BLM: variants seen among roughly 807,000 people sequenced by gnomAD.
BLM encodes recQ-like DNA helicase BLM.
In BLM, 95 loss-of-function variants were observed where a neutral mutation model predicts 135.3. The ratio of observed to expected loss-of-function variants is 0.70; its 90% CI spans 0.59 to 0.83. BLM has a LOEUF of 0.83. Among genes scored for constraint, BLM ranks in the 40% least tolerant of loss-of-function variants. BLM has a pLI of 0.00. For synonymous variants in BLM, 520 were observed against 589.2 expected, an observed-to-expected ratio of 0.88 and a Z score of 1.70; for missense variants, 1,518 against 1,663.9, an observed-to-expected ratio of 0.91 and a Z score of 1.53.
At chr15:90,740,288 G>A (rs1003286925) in intron 1 of BLM, among the ~76,000 whole-genome samples, 2 of 152,020 alleles carry the variant, frequency 1.3e-5, no homozygotes, top group African/African-American at 4.8e-5. Flanking sequence ...TGTATCCATG[G>A]ATATGTCTAT....
Position 90,760,785 on chromosome 15 carries a change from C to T in BLM, c.1412C>T (p.Thr471Ile), listed in dbSNP as rs1281556342. The T allele has an allele frequency of 1.9e-6, 3 of 1,613,998 alleles. No individual in the cohort carries two copies. In the Admixed American group the frequency reaches 5.0e-5, roughly 27 times the overall value. ...GTTTCTCCTGGGGACTGTTTACTGACTACCACCCTAGGAAAGACAGGATTC... is the reference window on the plus strand; with the variant it reads ...GTTTCTCCTGGGGACTGTTTACTGATTACCACCCTAGGAAAGACAGGATTC... ...NSVSPGDCLL[T>I]TTLGKTGFSA... Residue 471 changes from threonine (T) to isoleucine (I), a missense_variant, in exon 7 of 22, where the codon ACT becomes ATT. This residue lies in a region of BLM where 724 missense variants were observed against 756.9 expected (regional missense o/e 0.96). Coordinates refer to ENST00000355112, the MANE Select transcript of BLM (RefSeq NM_000057.4).
At chr15:90,739,365 C>A (rs1895303927) in intron 1 of BLM, among the ~76,000 whole-genome samples, 1 of 152,120 alleles carries the variant, frequency 6.6e-6, no homozygotes, top group Non-Finnish European at 1.5e-5. Context: ...TGCGCCACTG[C>A]ACCCCAGCCT....
At chr15:90,797,765 A>G (rs2380165) in intron 16 of BLM, among the ~76,000 whole-genome samples, 54,983 of 152,010 alleles carry the variant, frequency 0.36, 11,373 homozygotes, top group African/African-American at 0.58. Flanking sequence ...AAAGGAAACT[A>G]GCAGGAGATG....
At chr15:90,778,566 T>C (rs1453355692) in intron 12 of BLM, among the ~76,000 whole-genome samples, 1 of 152,182 alleles carries the variant, frequency 6.6e-6, no homozygotes, top group Non-Finnish European at 1.5e-5. Flanking sequence ...CAACCACTAA[T>C]CTGCTTTCTA....
chr15:90,772,388 G>A (rs193049206), intron 12 of BLM, among the ~76,000 whole-genome samples: 2 of 152,288 alleles, frequency 1.3e-5, no homozygotes, highest in African/African-American at 4.8e-5. Flanking sequence ...CAGGCACATA[G>A]AGTTAACTAT....
In BLM at chr15:90,790,709, A is replaced by T. The variant is rs1896883323; in HGVS notation, c.2884A>T (p.Ile962Phe). 6 of 1,614,210 alleles carry T rather than the reference A, an allele frequency of 3.7e-6. No homozygotes were observed. Among genetic ancestry groups the T allele is most frequent in the Non-Finnish European group, 5.1e-6 (6 of 1,180,032 alleles). ...TGACAAACCGGACGTGCGATTTGTG[A>T]TTCATGCATCTCTCCCTAAATCTGT... ...GIDKPDVRFV[I>F]HASLPKSVEG... Residue 962 changes from isoleucine to phenylalanine, a missense_variant, in exon 15 of 22, where the codon ATT becomes TTT. Transcript: ENST00000355112.
intron 17 of BLM, among the ~76,000 whole-genome samples, chr15:90,799,966 A>G (rs1055814613): frequency 7.2e-5 from 11 of 152,306 alleles, no homozygotes; most frequent in Middle Eastern, 6.8e-3. Context: ...ACCAGATGGG[A>G]GATACAAAGT....
intron 19 of BLM, among the ~76,000 whole-genome samples, chr15:90,805,714 C>T (rs1002194242): frequency 2.0e-5 from 3 of 151,554 alleles, no homozygotes; most frequent in Admixed American, 6.6e-5. Flanking sequence ...CTTGAACCCG[C>T]GAGGCAGGGT....
intron 1 of BLM, among the ~76,000 whole-genome samples, chr15:90,743,019 A>T (rs1382171711): frequency 6.9e-6 from 1 of 144,386 alleles, no homozygotes; most frequent in East Asian, 2.0e-4. Context: ...TTTTTTTTTA[A>T]ACACAGGGTC....
At chr15:90,813,234 T>C (rs532003842) in intron 21 of BLM, among the ~76,000 whole-genome samples, 1 of 152,374 alleles carries the variant, frequency 6.6e-6, no homozygotes, top group African/African-American at 2.4e-5. Context: ...GCAAACCATA[T>C]TGCTATTGGC....
intron 1 of BLM, among the ~76,000 whole-genome samples, chr15:90,738,510 G>A (rs1033976663): frequency 6.6e-6 from 1 of 152,032 alleles, no homozygotes; most frequent in Non-Finnish European, 1.5e-5. Flanking sequence ...GGAGGTCGAG[G>A]CAGCCGTGAG....
In BLM at chr15:90,749,904, C is replaced by G. The variant is rs1363062715; in HGVS notation, c.636C>G (p.Ser212=). Residue 212 remains serine (S), a synonymous_variant, in exon 3 of 22, where the codon TCC becomes TCG. Coordinates refer to ENST00000355112, the MANE Select transcript of BLM (RefSeq NM_000057.4). ...NTVKTDLPPP[S]SESEQIDLTE... ...TAAAGACTGATTTGCCTCCACCCTC[C>G]TCTGAAAGCGAGCAAATAGATTTGA... 1 of 1,612,950 alleles carries G rather than the reference C, an allele frequency of 6.2e-7. No homozygotes were observed. The highest frequency in any genetic ancestry group is 8.5e-7 in the Non-Finnish European group (1 of 1,178,954).
intron 9 of BLM, 21 bp from the exon 10 acceptor site, chr15:90,766,889 G>A (rs374938627): frequency 6.9e-7 from 1 of 1,459,064 alleles, no homozygotes; most frequent in Non-Finnish European, 9.6e-7. Flanking sequence ...AATTGAAATT[G>A]TTTACTACTT....
intron 3 of BLM, among the ~76,000 whole-genome samples, chr15:90,750,455 A>C (rs534378526): frequency 6.6e-6 from 1 of 152,224 alleles, no homozygotes; most frequent in Non-Finnish European, 1.5e-5. Context: ...CGCGACAGTC[A>C]ATCTGATAAC....
chr15:90,767,470 T>C (rs1016545813), intron 10 of BLM, among the ~76,000 whole-genome samples: 6 of 152,234 alleles, frequency 3.9e-5, no homozygotes, highest in African/African-American at 1.4e-4. Context: ...TTGTAAACAG[T>C]TTCTCTCTCT....
intron 1 of BLM, among the ~76,000 whole-genome samples, chr15:90,719,284 C>G (rs548778712): frequency 7.2e-5 from 11 of 152,122 alleles, no homozygotes; most frequent in Non-Finnish European, 1.2e-4. Flanking sequence ...CCACCGCGCC[C>G]GGCCATGAGT....
chr15:90,731,842 G>A (rs1028484757), intron 1 of BLM, among the ~76,000 whole-genome samples: 2 of 150,766 alleles, frequency 1.3e-5, no homozygotes, highest in Non-Finnish European at 2.9e-5. Context: ...TATTTATTTT[G>A]AGACCGGTTT....
intron 1 of BLM, among the ~76,000 whole-genome samples, chr15:90,721,450 C>T (rs1894763319): frequency 6.6e-6 from 1 of 152,068 alleles, no homozygotes; most frequent in Non-Finnish European, 1.5e-5. Flanking sequence ...CCTCAGCCTC[C>T]TGGGTAGCTG....
chr15:90,740,851 T>C (rs1017466600), intron 1 of BLM, among the ~76,000 whole-genome samples: 1 of 152,198 alleles, frequency 6.6e-6, no homozygotes, highest in Non-Finnish European at 1.5e-5. Flanking sequence ...CCTTTGCCCC[T>C]CCTTTGCCTT....
Sources: gnomAD v4.1 joint callset for allele counts (sites outside exome capture counted in the v4.1 genomes callset) on GRCh38, gnomAD v4.1.1 for gene constraint, gnomAD v4.1.1 regional missense constraint, MANE v1.5 for transcripts, NCBI Gene and HGNC (gene_info 2026-07-23, HGNC 2026-07-21) for gene names.